The following DNAH11 variants were observed in gnomAD, a reference collection of about 807,000 sequenced individuals.
DNAH11 encodes the protein axonemal beta dynein heavy chain 11.
DNAH11 carries 442 observed loss-of-function variants against 526.0 expected under a neutral mutation model. The observed-to-expected ratio is 0.84, with a 90% CI of 0.78 to 0.91. The LOEUF (loss-of-function observed/expected upper bound fraction) is 0.91, where lower values mean the gene tolerates loss of function less well. DNAH11 is among the 40% of genes least tolerant of loss of function. The pLI, the probability that DNAH11 is intolerant of heterozygous loss-of-function variation, is 0.00. For synonymous variants in DNAH11, 2,461 were observed against 1,935.9 expected (o/e 1.27, Z -7.12); for missense variants, 6,989 against 5,448.7 (o/e 1.28, Z -8.90).
intron 49 of DNAH11, among the ~76,000 whole-genome samples, chr7:21,742,783 C>T (rs751281852): frequency 2.6e-5 from 4 of 152,142 alleles, no homozygotes; most frequent in South Asian, 2.1e-4. Context: ...TCAATGAGAA[C>T]GGTGCTTCTC....
chr7:21,843,480 T>TTG (rs1782293878), intron 66 of DNAH11, among the ~76,000 whole-genome samples: 1 of 141,102 alleles, frequency 7.1e-6, no homozygotes, highest in South Asian at 2.2e-4. Context: ...CAGGTTTTTT[T>TTG]TGTTTTTTTT....
chr7:21,663,495 G>T lies in DNAH11; in HGVS notation c.5328+4464G>T, dbSNP rs1198005567. Among the ~76,000 whole-genome samples, 4 of 152,124 alleles carry T rather than the reference G, an allele frequency of 2.6e-5. No homozygotes were observed. The East Asian group carries it at 5.8e-4, about 22-fold the overall frequency. On this transcript the variant is annotated intron_variant, in intron 30 of 81. Transcript: ENST00000409508. ...CATCTTCACCAACATCTGTGTTGTTGTTGGTCTTTTTAATAGCCATTCTGA... is the reference window on the plus strand; with the variant it reads ...CATCTTCACCAACATCTGTGTTGTTTTTGGTCTTTTTAATAGCCATTCTGA...
At chr7:21,770,835 C>T (rs1583677131) in intron 55 of DNAH11, among the ~76,000 whole-genome samples, 1 of 152,116 alleles carries the variant, frequency 6.6e-6, no homozygotes, top group South Asian at 2.1e-4. Flanking sequence ...AACCCTTTGT[C>T]CCTGGCTCCC....
In DNAH11 at chr7:21,698,164, G is replaced by T. The variant is rs372051486; in HGVS notation, c.6131G>T (p.Arg2044Leu). 2 of 1,613,496 alleles carry T rather than the reference G, an allele frequency of 1.2e-6. No individual in the cohort carries two copies. Among genetic ancestry groups the T allele is most frequent in the African/African-American group, 2.7e-5 (2 of 74,868 alleles). ...TTTGTGGATGCGCGTGCATTAGCCC[G>T]AAAGTTCATTACGTTGTACACGCTT... ...EGFVDARALA[R>L]KFITLYTLCK... The change falls in exon 36 of 82, where the codon CGA becomes CTA. Residue 2044 changes from arginine to leucine, a missense_variant. Transcript: ENST00000409508.
intron 73 of DNAH11, among the ~76,000 whole-genome samples, chr7:21,872,999 A>T (rs1029896373): frequency 9.2e-5 from 14 of 152,128 alleles, no homozygotes; most frequent in Non-Finnish European, 2.9e-5. Flanking sequence ...CTTTTGAAGT[A>T]GGTATGTGTA....
At chr7:21,682,135 G>T (rs1783168184) in intron 31 of DNAH11, among the ~76,000 whole-genome samples, 3 of 152,052 alleles carry the variant, frequency 2.0e-5, no homozygotes, top group African/African-American at 7.2e-5. Context: ...TTGTCACTTG[G>T]GTAATCCTTT....
intron 65 of DNAH11, among the ~76,000 whole-genome samples, chr7:21,834,475 G>C (rs1045804084): frequency 5.9e-5 from 9 of 152,034 alleles, no homozygotes; most frequent in African/African-American, 1.9e-4. Context: ...AATAAAAGAA[G>C]TAATGAAGAT....
At chr7:21,566,694 C>G (rs150361824) in intron 6 of DNAH11, among the ~76,000 whole-genome samples, 12 of 151,804 alleles carry the variant, frequency 7.9e-5, no homozygotes, top group African/African-American at 2.9e-4. Flanking sequence ...ATACCATGCT[C>G]CATATTTTAA....
chr7:21,723,376 C>T (rs115422365), intron 44 of DNAH11, among the ~76,000 whole-genome samples: 4 of 152,198 alleles, frequency 2.6e-5, no homozygotes, highest in African/African-American at 7.2e-5. Flanking sequence ...CAAACAGCAG[C>T]GGACTGACTC....
At chr7:21,646,320 A>T (rs1160968871) in intron 28 of DNAH11, among the ~76,000 whole-genome samples, 1 of 152,232 alleles carries the variant, frequency 6.6e-6, no homozygotes, top group Non-Finnish European at 1.5e-5. Flanking sequence ...TATGAAAAAC[A>T]GCAGCTTTCT....
chr7:21,711,033 TAGAC>T (rs1784447631), intron 41 of DNAH11, among the ~76,000 whole-genome samples: 1 of 152,232 alleles, frequency 6.6e-6, no homozygotes, highest in African/African-American at 2.4e-5. Flanking sequence ...TATAAATACT[TAGAC>T]AATGAAAGAA....
At chr7:21,710,208 A>T (rs1192917477) in intron 40 of DNAH11, among the ~76,000 whole-genome samples, 1 of 152,236 alleles carries the variant, frequency 6.6e-6, no homozygotes, top group Non-Finnish European at 1.5e-5. Flanking sequence ...ACATATGTGT[A>T]TGAAGAAGGA....
intron 28 of DNAH11, among the ~76,000 whole-genome samples, chr7:21,642,170 C>G (rs1255267225): frequency 1.3e-5 from 2 of 152,142 alleles, no homozygotes; most frequent in South Asian, 4.2e-4. Context: ...AATGTGATTT[C>G]ATTGAGGTCT....
At chr7:21,653,214 C>T (rs908320420) in intron 28 of DNAH11, among the ~76,000 whole-genome samples, 2 of 152,036 alleles carry the variant, frequency 1.3e-5, no homozygotes, top group Non-Finnish European at 2.9e-5. Flanking sequence ...AAGGCCTTTC[C>T]GAACAGCTCA....
Position 21,655,906 on chromosome 7 carries a change from A to C in DNAH11, c.5019A>C (p.Ala1673=). ...LQFEDNQDVS[A]HRAVGMYSKE... is the part of the protein sequence containing the mutation. ...TTGAAGACAATCAGGATGTTTCTGC[A>C]CACAGGGCAGTTGGAATGTACAGCA... Residue 1673 remains alanine (A), a synonymous_variant, in exon 29 of 82, where the codon GCA becomes GCC. Coordinates refer to ENST00000409508, the MANE Select transcript of DNAH11 (RefSeq NM_001277115.2). 1.9e-6 allele frequency: 3 copies of C among 1,613,388 alleles called. No homozygotes were observed. The highest frequency in any genetic ancestry group is 2.5e-6 in the Non-Finnish European group (3 of 1,179,562).
chr7:21,632,797 A>T (rs556624412), intron 25 of DNAH11, among the ~76,000 whole-genome samples: 111 of 151,776 alleles, frequency 7.3e-4, no homozygotes, highest in Non-Finnish European at 1.2e-3. Flanking sequence ...AACTGTTCCA[A>T]CCTCTGCCTG....
intron 49 of DNAH11, among the ~76,000 whole-genome samples, chr7:21,742,692 A>G (rs1041017224): frequency 3.3e-5 from 5 of 152,200 alleles, no homozygotes; most frequent in African/African-American, 1.2e-4. Flanking sequence ...AAACTATGCT[A>G]TATACTTTTG....
chr7:21,672,181 T>C (rs992253724), intron 30 of DNAH11, among the ~76,000 whole-genome samples: 2 of 152,190 alleles, frequency 1.3e-5, no homozygotes, highest in Admixed American at 6.5e-5. Flanking sequence ...TTCAGTATTA[T>C]GTCTTGTTAG....
At chr7:21,830,352 G>A (rs902311172) in intron 65 of DNAH11, among the ~76,000 whole-genome samples, 3 of 152,118 alleles carry the variant, frequency 2.0e-5, no homozygotes, top group African/African-American at 7.2e-5. Flanking sequence ...TGATACTTCG[G>A]TAGTTGTTGC....
Sources: allele counts gnomAD v4.1 joint callset (sites outside exome capture counted in the v4.1 genomes callset), GRCh38; gene constraint gnomAD v4.1.1; transcripts MANE v1.5; gene names NCBI Gene and HGNC (gene_info 2026-07-23, HGNC 2026-07-21).